The following KCNIP4 variants were observed in gnomAD, a reference collection of about 807,000 sequenced individuals.
The protein encoded by KCNIP4 is Kv channel-interacting protein 4.
A neutral mutation model predicts 34.0 loss-of-function variants in KCNIP4; 12 were observed. The ratio of observed to expected loss-of-function variants is 0.35; its 90% CI spans 0.23 to 0.57. The LOEUF is 0.57. KCNIP4 is among the 20% of genes least tolerant of loss of function. KCNIP4 has a pLI of 0.83. For missense variants in KCNIP4, 238 were observed against 311.7 expected (o/e 0.76, Z 1.78); for synonymous variants, 124 against 102.2 (o/e 1.21, Z -1.29).
chr4:21,776,243 C>G (rs1414565823), intron 1 of KCNIP4, among the ~76,000 whole-genome samples: 1 of 152,220 alleles, frequency 6.6e-6, no homozygotes, highest in Non-Finnish European at 1.5e-5. Context: ...TCTTCCTTCT[C>G]TCCAAGAGTC....
intron 1 of KCNIP4, among the ~76,000 whole-genome samples, chr4:21,196,252 A>G (rs1439191418): frequency 6.6e-6 from 1 of 152,184 alleles, no homozygotes; most frequent in Admixed American, 6.5e-5. Flanking sequence ...ATTTTAATAG[A>G]ACACATGTTT....
chr4:21,736,337 C>A (rs1715989156), intron 1 of KCNIP4, among the ~76,000 whole-genome samples: 1 of 152,170 alleles, frequency 6.6e-6, no homozygotes, highest in African/African-American at 2.4e-5. Context: ...GTCTCAGCAT[C>A]CTTCCATCTG....
chr4:21,054,206 G>A lies in KCNIP4; in HGVS notation c.62-171497C>T, dbSNP rs58072699. Among the ~76,000 whole-genome samples the A allele has an allele frequency of 4.9e-3, 741 of 152,106 alleles. 4 individuals carry two copies. The highest frequency in any genetic ancestry group is 0.016 in the African/African-American group (673 of 41,512). ...GAGAACTGGCACCACTCAACTTCAA[G>A]ATTTACTATAATTAAGACAATAAAC... On this transcript the variant is annotated intron_variant, in intron 1 of 8. Coordinates refer to ENST00000382152, the MANE Select transcript of KCNIP4 (RefSeq NM_025221.6).
chr4:21,427,493 T>C (rs1019897992), intron 1 of KCNIP4, among the ~76,000 whole-genome samples: 8 of 152,106 alleles, frequency 5.3e-5, no homozygotes, highest in Non-Finnish European at 8.8e-5. Flanking sequence ...TCCTCCGTGG[T>C]CCCTCAGAGG....
intron 1 of KCNIP4, among the ~76,000 whole-genome samples, chr4:21,025,515 A>AGAGAGAGAG (rs1740449901): frequency 6.1e-5 from 7 of 115,246 alleles, no homozygotes; most frequent in African/African-American, 2.0e-4. Context: ...AGAGAGAGAG[A>AGAGAGAGAG]ACTGCAAAAA....
chr4:21,382,815 AC>A (rs1433706301), intron 1 of KCNIP4, among the ~76,000 whole-genome samples: 2 of 152,174 alleles, frequency 1.3e-5, no homozygotes, highest in African/African-American at 4.8e-5. Flanking sequence ...CATTATTAAA[AC>A]CTTAAAGATA....
intron 1 of KCNIP4, among the ~76,000 whole-genome samples, chr4:21,911,638 AC>A (rs1728335632): frequency 8.3e-6 from 1 of 120,500 alleles, no homozygotes; most frequent in Non-Finnish European, 1.9e-5. Context: ...ACACACACAC[AC>A]ACACACACAC....
chr4:20,952,677 C>T lies in KCNIP4; in HGVS notation c.62-69968G>A, dbSNP rs190104353. ...AATAACTGGTCATAATAATTTCATGCCAGATTTAAAAAATTAATTATTAAT... is the reference window on the plus strand; with the variant it reads ...AATAACTGGTCATAATAATTTCATGTCAGATTTAAAAAATTAATTATTAAT... On this transcript the variant is annotated intron_variant, in intron 1 of 8. Coordinates refer to ENST00000382152, the MANE Select transcript of KCNIP4 (RefSeq NM_025221.6). Among the ~76,000 whole-genome samples the T allele has an allele frequency of 7.8e-3, 1,186 of 152,146 alleles. 9 individuals carry two copies. The highest frequency in any genetic ancestry group is 0.012 in the Non-Finnish European group (833 of 68,008).
intron 1 of KCNIP4, among the ~76,000 whole-genome samples, chr4:21,869,563 T>C (rs1263086069): frequency 6.6e-6 from 1 of 152,182 alleles, no homozygotes; most frequent in African/African-American, 2.4e-5. Context: ...CAGACTTTGT[T>C]GAACAGCCAG....
intron 1 of KCNIP4, among the ~76,000 whole-genome samples, chr4:21,145,150 C>G (rs1458786757): frequency 6.6e-6 from 1 of 152,086 alleles, no homozygotes. Context: ...AACTCAAAAC[C>G]CTTCCCCGCT....
intron 1 of KCNIP4, among the ~76,000 whole-genome samples, chr4:21,841,646 A>G (rs745894855): frequency 6.6e-6 from 1 of 152,168 alleles, no homozygotes; most frequent in Admixed American, 6.5e-5. Context: ...ATTCCAAGCA[A>G]ATCATTGAAC....
intron 1 of KCNIP4, among the ~76,000 whole-genome samples, chr4:21,871,563 G>A (rs917974840): frequency 1.8e-4 from 28 of 151,682 alleles, no homozygotes; most frequent in African/African-American, 5.1e-4. Context: ...AACACCACAT[G>A]TTCTCACTTA....
At chr4:21,474,691 A>G (rs1247453918) in intron 1 of KCNIP4, among the ~76,000 whole-genome samples, 1 of 152,120 alleles carries the variant, frequency 6.6e-6, no homozygotes, top group African/African-American at 2.4e-5. Context: ...GGAGGAAACA[A>G]GCACATTAAA....
chr4:21,568,056 G>A (rs1400011402), intron 1 of KCNIP4, among the ~76,000 whole-genome samples: 1 of 152,132 alleles, frequency 6.6e-6, no homozygotes, highest in Non-Finnish European at 1.5e-5. Context: ...AGAGAGTCAT[G>A]AGTGTGCAAC....
intron 1 of KCNIP4, among the ~76,000 whole-genome samples, chr4:21,417,749 A>G (rs1444814388): frequency 6.6e-6 from 1 of 152,166 alleles, no homozygotes; most frequent in African/African-American, 2.4e-5. Context: ...GAGCTTTGCC[A>G]TATTTGCTCA....
At chr4:21,743,989 G>A (rs1716601189) in intron 1 of KCNIP4, among the ~76,000 whole-genome samples, 1 of 151,934 alleles carries the variant, frequency 6.6e-6, no homozygotes, top group South Asian at 2.1e-4. Context: ...TAAATCCACG[G>A]AACAGAAAAT....
chr4:20,739,059 G>A (rs1750412776), intron 5 of KCNIP4, among the ~76,000 whole-genome samples: 1 of 152,266 alleles, frequency 6.6e-6, no homozygotes, highest in East Asian at 1.9e-4. Context: ...CACCATTGCT[G>A]AGACTTGACT....
intron 1 of KCNIP4, among the ~76,000 whole-genome samples, chr4:21,140,630 C>T (rs1335949417): frequency 6.6e-6 from 1 of 152,102 alleles, no homozygotes; most frequent in African/African-American, 2.4e-5. Context: ...ATTCTCTTAT[C>T]TCCTAATGAA....
chr4:21,018,614 C>G (rs1434435588), intron 1 of KCNIP4, among the ~76,000 whole-genome samples: 3 of 152,162 alleles, frequency 2.0e-5, no homozygotes, highest in African/African-American at 7.2e-5. Context: ...ATTGACACTG[C>G]ACGGTGGTCT....
Sources: allele counts gnomAD v4.1 joint callset (sites outside exome capture counted in the v4.1 genomes callset), GRCh38; gene constraint gnomAD v4.1.1; transcripts MANE v1.5; gene names NCBI Gene and HGNC (gene_info 2026-07-23, HGNC 2026-07-21).